Variants in PLCG1 observed in about 807,000 individuals in gnomAD.
PLCG1 encodes the protein 1-phosphatidylinositol 4,5-bisphosphate phosphodiesterase gamma-1.
Under a neutral mutation model 177.8 loss-of-function variants are expected in PLCG1, and 71 were observed. That is an observed-to-expected ratio of 0.40 (90% CI 0.33 to 0.49). The LOEUF (loss-of-function observed/expected upper bound fraction) is 0.49. Ranked by LOEUF, PLCG1 falls within the 20% of genes least tolerant of loss-of-function variation. The pLI, the probability that PLCG1 is intolerant of heterozygous loss-of-function variation, is 0.72. For synonymous variants in PLCG1, 658 were observed against 647.9 expected, an observed-to-expected ratio of 1.02 and a Z score of -0.24; for missense variants, 1,281 against 1,709.0, an observed-to-expected ratio of 0.75 and a Z score of 4.42.
chr20:41,138,100 CT>C, intron 1 of PLCG1: 2 of 355,144 alleles, frequency 5.6e-6, no homozygotes, highest in Non-Finnish European at 1.0e-5. Flanking sequence ...GTTCCAGGCG[CT>C]TTGCCCTGAG....
chr20:41,172,278 T>A lies in PLCG1; in HGVS notation c.2894T>A (p.Phe965Tyr), dbSNP rs767063086. 3.7e-6 allele frequency: 6 copies of A among 1,613,588 alleles called. No homozygotes were observed. The highest frequency in any genetic ancestry group is 3.4e-6 in the Non-Finnish European group (4 of 1,179,476). The change falls in exon 25 of 32, where the codon TTT becomes TAT. Residue 965 changes from phenylalanine to tyrosine, a missense_variant. By Grantham distance (22) the Phe-to-Tyr change is conservative. Around this residue, in one of 4 missense-constraint regions of PLCG1, gnomAD observed 723 missense variants for 1,030.0 expected, o/e 0.70. Transcript: ENST00000685551. The surrounding 1 kb of genome is among the most constrained non-coding windows in gnomAD (Gnocchi z 7.0). ...GTCGTCTACTGCCGGCCTGTTCCCT[T>A]TGATGAAGAGAGTAAGGGCCAGGGC... ...ELVVYCRPVP[F>Y]DEEKIGTERA...
At position 41,156,679 on chromosome 20, in the gene PLCG1, T is replaced by G. The variant is rs935834203; in HGVS notation, c.218-2927T>G. On this transcript the variant is annotated intron_variant, in intron 1 of 31. Transcript: ENST00000685551. The surrounding 1 kb of genome is among the most constrained non-coding windows in gnomAD (Gnocchi z 5.0). The stretch of plus-strand genomic sequence containing the variant: ...GGAGGAGTGCTAGGTCATGGATTTT[T>G]GGGTATAACGTGTGACTTTCCTACT... 6.6e-6 allele frequency among the ~76,000 whole-genome samples: 1 copy of G among 152,200 alleles called. No homozygotes were observed. The highest frequency in any genetic ancestry group is 2.4e-5 in the African/African-American group (1 of 41,452).
intron 23 of PLCG1, 145 bp from the exon 24 acceptor site, chr20:41,169,967 A>T (rs533590477): frequency 7.7e-4 from 564 of 735,190 alleles, no homozygotes; most frequent in Non-Finnish European, 1.1e-3. Context: ...CAAATGGGCC[A>T]GCAGAGTAGT....
At chr20:41,145,415 G>C (rs1434169949) in intron 1 of PLCG1, among the ~76,000 whole-genome samples, 1 of 152,168 alleles carries the variant, frequency 6.6e-6, no homozygotes, top group African/African-American at 2.4e-5. Flanking sequence ...AGACTGTCTT[G>C]GCTGACATCT....
Position 41,173,851 on chromosome 20 carries a change from T to G in PLCG1, c.3556+38T>G. 2 of 1,610,548 alleles carry G rather than the reference T, an allele frequency of 1.2e-6. No individual in the cohort carries two copies. The highest frequency in any genetic ancestry group is 1.7e-6 in the Non-Finnish European group (2 of 1,177,200). Reference sequence around the variant, plus strand: ...CCTGGAGGCAGTGCCCCTGCAATCTTGCTGGCAGGGTGGGGCTGGGCCCCT... The same window carrying G: ...CCTGGAGGCAGTGCCCCTGCAATCTGGCTGGCAGGGTGGGGCTGGGCCCCT... On this transcript the variant is annotated intron_variant, in intron 29 of 31. Transcript: ENST00000685551. This position sits in a 1 kb window ranked among gnomAD's most constrained non-coding sequence, Gnocchi z 6.2.
At position 41,169,166 on chromosome 20, in the gene PLCG1, G is replaced by A. The variant is rs530390615; in HGVS notation, c.2571G>A (p.Pro857=). 113 of 1,609,616 alleles carry A rather than the reference G, an allele frequency of 7.0e-5. No homozygotes were observed. In the South Asian group the frequency reaches 8.8e-4, roughly 13 times the overall value. ...EEMVNPVALE[P]EREHLDENSP... is the part of the protein sequence containing the mutation. ...TGGTCAACCCCGTGGCCCTGGAGCCGGAGAGGGAGGTAAGACCAGAACCAC... is the reference window on the plus strand; with the variant it reads ...TGGTCAACCCCGTGGCCCTGGAGCCAGAGAGGGAGGTAAGACCAGAACCAC... The change falls in exon 22 of 32, where the codon CCG becomes CCA. Residue 857 remains proline, a synonymous_variant. Transcript: ENST00000685551.
rs553454755 is a variant in PLCG1 at position 41,166,000 on chromosome 20, C to A, written c.1799+174C>A. 553 of 674,954 alleles carry A rather than the reference C, an allele frequency of 8.2e-4. 1 individual carries two copies. Among genetic ancestry groups the A allele is most frequent in the Non-Finnish European group, 1.2e-3 (507 of 409,460 alleles). 41.8% of individuals were successfully genotyped at this position (674,954 alleles called of 1,614,324 possible). A position where few individuals can be genotyped will look rare whatever the true frequency, so the allele number is the denominator to read the frequency against. On this transcript the variant is annotated intron_variant, in intron 16 of 31. Coordinates refer to ENST00000685551, the MANE Select transcript of PLCG1 (RefSeq NM_002660.3). This position sits in a 1 kb window ranked among gnomAD's most constrained non-coding sequence, Gnocchi z 6.6. Reference sequence around the variant, plus strand: ...CACACTCTCTGTCTCACCCCCCCCCCATACCCCTCCCTTTTCGGTTCATTT... The same window carrying A: ...CACACTCTCTGTCTCACCCCCCCCCAATACCCCTCCCTTTTCGGTTCATTT...
Position 41,153,463 on chromosome 20 carries a change from T to C in PLCG1, c.218-6143T>C, listed in dbSNP as rs6102291. Among the ~76,000 whole-genome samples, 3,135 of 152,272 alleles carry C rather than the reference T, an allele frequency of 0.021. 99 individuals carry two copies. The highest frequency in any genetic ancestry group is 0.071 in the African/African-American group (2,934 of 41,530). ...GTGCTACCATGTCTAGCTAAGTTTT[T>C]TTAATTTTTATTTTTTGCAGAGGTG... is the stretch of plus-strand genomic sequence containing the variant. On this transcript the variant is annotated intron_variant, in intron 1 of 31. Coordinates refer to ENST00000685551, the MANE Select transcript of PLCG1 (RefSeq NM_002660.3). This position sits in a 1 kb window ranked among gnomAD's most constrained non-coding sequence, Gnocchi z 5.1.
Position 41,150,149 on chromosome 20 carries a change from C to T in PLCG1, c.218-9457C>T, listed in dbSNP as rs1365020560. Among the ~76,000 whole-genome samples the T allele has an allele frequency of 6.6e-6, 1 of 151,992 alleles. No homozygotes were observed. Among genetic ancestry groups the T allele is most frequent in the Non-Finnish European group, 1.5e-5 (1 of 68,006 alleles). ...AGGCTACAGTGAGCCCTGTTGGTGC[C>T]ACTGCACTCCAGCCTGGACAACAGA... On this transcript the variant is annotated intron_variant, in intron 1 of 31. Coordinates refer to ENST00000685551, the MANE Select transcript of PLCG1 (RefSeq NM_002660.3). The surrounding 1 kb of genome is among the most constrained non-coding windows in gnomAD (Gnocchi z 4.0).
At chr20:41,149,589 T>C (rs888433551) in intron 1 of PLCG1, among the ~76,000 whole-genome samples, 4 of 152,184 alleles carry the variant, frequency 2.6e-5, no homozygotes, top group African/African-American at 7.2e-5. Flanking sequence ...GGCAGCTGAA[T>C]TGAAGGATCT....
chr20:41,174,105 G>T lies in PLCG1; in HGVS notation c.3646-19G>T, dbSNP rs2035987117. 1 of 1,612,282 alleles carries T rather than the reference G, an allele frequency of 6.2e-7. No homozygotes were observed. Among genetic ancestry groups the T allele is most frequent in the Non-Finnish European group, 8.5e-7 (1 of 1,178,690 alleles). ...GCAGAGGAGTCATTGACCCTCTTGT[G>T]CACCTGGCTTCGTTGAAGCAGGAGA... On this transcript the variant is annotated intron_variant, in intron 30 of 31. Transcript: ENST00000685551. The surrounding 1 kb of genome is among the most constrained non-coding windows in gnomAD (Gnocchi z 5.8).
chr20:41,161,769 C>G (rs758941694), intron 4 of PLCG1, among the ~76,000 whole-genome samples: 1 of 151,892 alleles, frequency 6.6e-6, no homozygotes, highest in African/African-American at 2.4e-5. Flanking sequence ...CCCCTTCCCC[C>G]TTCTTGTCCA....
chr20:41,161,247 G>A (rs1229124010), intron 4 of PLCG1, among the ~76,000 whole-genome samples: 1 of 152,136 alleles, frequency 6.6e-6, no homozygotes, highest in Non-Finnish European at 1.5e-5. Context: ...AGAAGACAGT[G>A]GTGAAATCTG....
rs182588070 is a variant in PLCG1 at position 41,174,122 on chromosome 20, A to C, written c.3646-2A>C. The C allele has an allele frequency of 7.4e-6, 12 of 1,612,830 alleles. No homozygotes were observed. The Admixed American group carries it at 2.0e-4, about 27-fold the overall frequency. On this transcript the variant is annotated splice_acceptor_variant, in intron 30 of 31. Transcript: ENST00000685551. LOFTEE classifies it high-confidence loss of function. This position sits in a 1 kb window ranked among gnomAD's most constrained non-coding sequence, Gnocchi z 5.8. Reference sequence around the variant, plus strand: ...CCTCTTGTGCACCTGGCTTCGTTGAAGCAGGAGAATGGTGACCTCAGTCCC... The same window carrying C: ...CCTCTTGTGCACCTGGCTTCGTTGACGCAGGAGAATGGTGACCTCAGTCCC...
intron 1 of PLCG1, among the ~76,000 whole-genome samples, chr20:41,158,506 G>A (rs1429200940): frequency 6.6e-6 from 1 of 152,214 alleles, no homozygotes; most frequent in Non-Finnish European, 1.5e-5. Flanking sequence ...GTGCTGGAGA[G>A]TGTGTCAGAG....
At position 41,172,426 on chromosome 20, in the gene PLCG1, G is replaced by A. The variant is rs1346223589; in HGVS notation, c.2911G>A (p.Gly971Ser). 5 of 1,613,892 alleles carry A rather than the reference G, an allele frequency of 3.1e-6. No individual in the cohort carries two copies. The highest frequency in any genetic ancestry group is 4.2e-6 in the Non-Finnish European group (5 of 1,179,796). ...RPVPFDEEKI[G>S]TERACYRDMS... The stretch of plus-strand genomic sequence containing the variant: ...GTTTTCCCTGTTTGGCCCAGAGATT[G>A]GCACAGAACGTGCTTGCTACCGGGA... Residue 971 changes from glycine (G) to serine (S), a missense_variant, in exon 26 of 32, where the codon GGC becomes AGC. By Grantham distance (56) the Gly-to-Ser change is moderately conservative. Coordinates refer to ENST00000685551, the MANE Select transcript of PLCG1 (RefSeq NM_002660.3). This position sits in a 1 kb window ranked among gnomAD's most constrained non-coding sequence, Gnocchi z 7.0.
intron 1 of PLCG1, among the ~76,000 whole-genome samples, chr20:41,158,167 G>C (rs981938110): frequency 5.3e-5 from 8 of 152,138 alleles, no homozygotes; most frequent in Non-Finnish European, 1.0e-4. Context: ...GTGGAGTTTT[G>C]TGACAGTTGC....
At position 41,147,263 on chromosome 20, in the gene PLCG1, T is replaced by C. The variant is rs545360195; in HGVS notation, c.217+9405T>C. On this transcript the variant is annotated intron_variant, in intron 1 of 31. Transcript: ENST00000685551. This position sits in a 1 kb window ranked among gnomAD's most constrained non-coding sequence, Gnocchi z 4.0. ...CAAGGAGGTTGGAAAAGGTAACATA[T>C]GTCACTTTGTTAAGGATTTTGCTGA... 6.6e-6 allele frequency among the ~76,000 whole-genome samples: 1 copy of C among 152,328 alleles called. No individual in the cohort carries two copies. Among genetic ancestry groups the C allele is most frequent in the South Asian group, 2.1e-4 (1 of 4,832 alleles).
intron 6 of PLCG1, 31 bp from the exon 7 acceptor site, chr20:41,162,927 T>A (rs2035560206): frequency 6.2e-7 from 1 of 1,609,662 alleles, no homozygotes; most frequent in East Asian, 2.2e-5. Context: ...CTCCCAGGGG[T>A]CTTGCCCTGA....
Sources: allele counts gnomAD v4.1 joint callset (sites outside exome capture counted in the v4.1 genomes callset), GRCh38; gene constraint gnomAD v4.1.1; regional missense constraint gnomAD v4.1.1; non-coding constraint Gnocchi (gnomAD v3.1); transcripts MANE v1.5; gene names NCBI Gene and HGNC (gene_info 2026-07-23, HGNC 2026-07-21).